The following RHOH variants were observed in gnomAD, a reference collection of about 807,000 sequenced individuals.
RHOH encodes ras homolog family member H.
RHOH carries 6 observed loss-of-function variants against 13.8 expected under a neutral mutation model. The ratio of observed to expected loss-of-function variants is 0.44; its 90% CI spans 0.24 to 0.86. The LOEUF (loss-of-function observed/expected upper bound fraction) is 0.86. Among genes scored for constraint, RHOH ranks in the 40% least tolerant of loss-of-function variants. The probability of loss-of-function intolerance (pLI) is 0.24; values close to 1 mark genes in which losing one functional copy is unlikely to be tolerated. For synonymous variants in RHOH, 117 were observed against 103.0 expected (o/e 1.14, Z -0.82); for missense variants, 147 against 244.5 (o/e 0.60, Z 2.66).
chr4:40,205,786 T>A (rs780431125), intron 1 of RHOH: 1 of 152,302 alleles, frequency 6.6e-6, no homozygotes, highest in African/African-American at 2.4e-5. Flanking sequence ...ACGCACTTCA[T>A]CTTCATCCCT....
rs1290632303 is a variant in RHOH at position 40,243,757 on chromosome 4, G to C, written c.371G>C (p.Gly124Ala). The C allele has an allele frequency of 1.2e-6, 2 of 1,614,022 alleles. No homozygotes were observed. The highest frequency in any genetic ancestry group is 1.7e-5 in the Admixed American group (1 of 60,016). Residue 124 changes from glycine (G) to alanine (A), a missense_variant, in exon 3 of 3, where the codon GGG becomes GCG. By Grantham distance (60) the Gly-to-Ala change is moderately conservative. Around this residue, in one of 3 missense-constraint regions of RHOH, gnomAD observed 36 missense variants for 30.7 expected, o/e 1.17. Transcript: ENST00000381799. This position sits in a 1 kb window ranked among gnomAD's most constrained non-coding sequence, Gnocchi z 6.2. ...ACCCAGACTGACCAGCGGGAGATGGGGCCCCACAGGGCCTCCTGCGTCAAT... is the reference window on the plus strand; with the variant it reads ...ACCCAGACTGACCAGCGGGAGATGGCGCCCCACAGGGCCTCCTGCGTCAAT... Reference protein sequence around the residue: ...VATQTDQREMGPHRASCVNAM... With the variant: ...VATQTDQREMAPHRASCVNAM...
chr4:40,199,824 C>A (rs1323204261), intron 1 of RHOH, among the ~76,000 whole-genome samples: 1 of 152,114 alleles, frequency 6.6e-6, no homozygotes, highest in African/African-American at 2.4e-5. Flanking sequence ...GGGTGAAAGC[C>A]AGGATTAAAA....
chr4:40,219,465 A>C (rs1726289126), intron 1 of RHOH, among the ~76,000 whole-genome samples: 2 of 151,926 alleles, frequency 1.3e-5, no homozygotes, highest in Admixed American at 1.3e-4. Context: ...ATTCATATAT[A>C]TATGCATGTG....
At chr4:40,217,835 T>G (rs948218037) in intron 1 of RHOH, among the ~76,000 whole-genome samples, 1 of 152,162 alleles carries the variant, frequency 6.6e-6, no homozygotes, top group Non-Finnish European at 1.5e-5. Context: ...TGCCTCCTGG[T>G]TTCAAACATG....
intron 1 of RHOH, among the ~76,000 whole-genome samples, chr4:40,226,015 A>G (rs1186464845): frequency 1.3e-5 from 2 of 152,214 alleles, no homozygotes; most frequent in Non-Finnish European, 2.9e-5. Flanking sequence ...TAAAGGAGGT[A>G]ATTTTTATAA....
chr4:40,196,248 G>C (rs1723121955), upstream of RHOH, among the ~76,000 whole-genome samples: 1 of 152,194 alleles, frequency 6.6e-6, no homozygotes, highest in Admixed American at 6.5e-5. Flanking sequence ...ATCACCGTGA[G>C]CAGTAGCATC....
chr4:40,204,880 C>T (rs1444174803), intron 1 of RHOH, among the ~76,000 whole-genome samples: 2 of 152,148 alleles, frequency 1.3e-5, no homozygotes, highest in African/African-American at 4.8e-5. Context: ...CATGTGAAGC[C>T]AGGGTTGGTT....
intron 1 of RHOH, among the ~76,000 whole-genome samples, chr4:40,210,583 T>C (rs1388223052): frequency 6.8e-6 from 1 of 146,418 alleles, no homozygotes; most frequent in African/African-American, 2.5e-5. Context: ...GCCGTGAAGG[T>C]GGGAAACAGG....
chr4:40,209,937 T>C (rs1205495648), intron 1 of RHOH, among the ~76,000 whole-genome samples: 1 of 152,216 alleles, frequency 6.6e-6, no homozygotes, highest in African/African-American at 2.4e-5. Context: ...ATACCAAATA[T>C]CTAAAAGTTT....
intron 1 of RHOH, among the ~76,000 whole-genome samples, chr4:40,224,836 G>A (rs763650123): frequency 4.3e-4 from 66 of 152,248 alleles, no homozygotes; most frequent in Non-Finnish European, 8.1e-4. Context: ...AAAGGAGAAT[G>A]CAAACTACAA....
At chr4:40,235,602 A>AAAAAAAG (rs1367000788) in intron 1 of RHOH, among the ~76,000 whole-genome samples, 1 of 147,478 alleles carries the variant, frequency 6.8e-6, no homozygotes, top group South Asian at 2.1e-4. Context: ...AAAAAAAAAA[A>AAAAAAAG]AAAAAAGAAA....
At position 40,246,484 on chromosome 4, in the gene RHOH, C is replaced by T. The variant is rs192800754; in HGVS notation, c.*2522C>T. 6.6e-6 allele frequency: 1 copy of T among 152,348 alleles called. No individual in the cohort carries two copies. The highest frequency in any genetic ancestry group is 6.5e-5 in the Admixed American group (1 of 15,302). 9.4% of individuals were successfully genotyped at this position (152,348 alleles called of 1,614,324 possible). A position where few individuals can be genotyped will look rare whatever the true frequency, so the allele number is the denominator to read the frequency against. ...CAAGCTTAACAGCTCCGTCTGGGAA[C>T]TCTCATACCTGAGACCAGGAATCTA... On this transcript the variant is annotated 3_prime_UTR_variant, in exon 3 of 3. Coordinates refer to ENST00000381799, the MANE Select transcript of RHOH (RefSeq NM_004310.5).
At chr4:40,216,590 A>G (rs1343817265) in intron 1 of RHOH, among the ~76,000 whole-genome samples, 1 of 152,240 alleles carries the variant, frequency 6.6e-6, no homozygotes, top group Non-Finnish European at 1.5e-5. Flanking sequence ...ATTGGATTGG[A>G]TATAAATTTC....
chr4:40,205,111 A>C (rs540932685), intron 1 of RHOH, among the ~76,000 whole-genome samples: 6 of 152,234 alleles, frequency 3.9e-5, no homozygotes, highest in Non-Finnish European at 5.9e-5. Flanking sequence ...AAAAATACAA[A>C]ATTAGCTGGG....
chr4:40,227,835 ACC>A (rs1225146758), intron 1 of RHOH, among the ~76,000 whole-genome samples: 2 of 152,184 alleles, frequency 1.3e-5, no homozygotes, highest in Non-Finnish European at 2.9e-5. Context: ...TTTAATCTTC[ACC>A]AGTTGTAAAT....
chr4:40,214,890 T>C, intron 1 of RHOH, among the ~76,000 whole-genome samples: 1 of 152,182 alleles, frequency 6.6e-6, no homozygotes, highest in Admixed American at 6.5e-5. Context: ...GGCTTTCCAA[T>C]GGCTCTCCCC....
chr4:40,229,971 A>G (rs1454950617), intron 1 of RHOH, among the ~76,000 whole-genome samples: 1 of 152,226 alleles, frequency 6.6e-6, no homozygotes, highest in Non-Finnish European at 1.5e-5. Flanking sequence ...TAACAAAATT[A>G]GCAATAGTTC....
rs1723234061 is a variant in RHOH, at chr4:40,197,143, A to T, written c.-488A>T. The T allele has an allele frequency of 6.6e-6, 1 of 152,220 alleles. No homozygotes were observed. Among genetic ancestry groups the T allele is most frequent in the Non-Finnish European group, 1.5e-5 (1 of 68,056 alleles). 9.4% of individuals were successfully genotyped at this position (152,220 alleles called of 1,614,324 possible). On this transcript the variant is annotated 5_prime_UTR_variant, in exon 1 of 3. Transcript: ENST00000381799. The stretch of plus-strand genomic sequence containing the variant: ...CAGTTCTTCCAGTGTGAATCAGTTA[A>T]TATTCTCGGGAACGAGGGAGAGGTT...
chr4:40,230,089 G>A (rs368322751), intron 1 of RHOH, among the ~76,000 whole-genome samples: 3 of 152,132 alleles, frequency 2.0e-5, no homozygotes, highest in African/African-American at 7.2e-5. Flanking sequence ...CTGCCATCCA[G>A]GCTGGAGTGC....
Sources: gnomAD v4.1 joint callset for allele counts (sites outside exome capture counted in the v4.1 genomes callset) on GRCh38, gnomAD v4.1.1 for gene constraint, gnomAD v4.1.1 regional missense constraint, Gnocchi (gnomAD v3.1) non-coding constraint, MANE v1.5 for transcripts, NCBI Gene and HGNC (gene_info 2026-07-23, HGNC 2026-07-21) for gene names.